The following FRMD4A variants were observed in gnomAD, a reference collection of about 807,000 sequenced individuals.
The protein encoded by FRMD4A is FERM domain-containing protein 4A.
A neutral mutation model predicts 129.1 loss-of-function variants in FRMD4A; 29 were observed. The observed-to-expected ratio is 0.22, with a 90% CI of 0.17 to 0.31. FRMD4A has a LOEUF of 0.31. Ranked by LOEUF, FRMD4A falls within the 10% of genes least tolerant of loss-of-function variation. The probability of loss-of-function intolerance (pLI) is 1.00; values close to 1 mark genes in which losing one functional copy is unlikely to be tolerated. For synonymous variants in FRMD4A, 634 were observed against 571.6 expected (o/e 1.11, Z -1.56); for missense variants, 1,272 against 1,375.8 (o/e 0.92, Z 1.19).
intron 2 of FRMD4A, among the ~76,000 whole-genome samples, chr10:13,880,236 A>G (rs565257244): frequency 6.6e-6 from 1 of 152,220 alleles, no homozygotes; most frequent in East Asian, 1.9e-4. Flanking sequence ...CCCAGATCAC[A>G]GCTTCCCCTC....
chr10:13,767,390 C>A (rs1309914915), intron 6 of FRMD4A, among the ~76,000 whole-genome samples: 1 of 152,146 alleles, frequency 6.6e-6, no homozygotes, highest in Admixed American at 6.5e-5. Flanking sequence ...AGGTGTGCGT[C>A]ACCATGCCTG....
Position 14,256,246 on chromosome 10 carries a change from AGAT to A in FRMD4A, c.45+73809_45+73811del, listed in dbSNP as rs1371897517. Among the ~76,000 whole-genome samples the A allele has an allele frequency of 3.3e-5, 5 of 152,192 alleles. No individual in the cohort carries two copies. In the South Asian group the frequency reaches 1.0e-3, roughly 32 times the overall value. ...AAGAAGAAATATGTAATAGAAACCC[AGAT>A]GATGAAAACTATAAAGCTTTAATGA... On this transcript the variant is annotated intron_variant, in intron 2 of 24. Transcript: ENST00000357447.
At chr10:14,081,482 A>T (rs1238754924) in intron 2 of FRMD4A, among the ~76,000 whole-genome samples, 1 of 152,184 alleles carries the variant, frequency 6.6e-6, no homozygotes, top group Non-Finnish European at 1.5e-5. Flanking sequence ...AGTGGGAACC[A>T]TGTCTGCCCC....
intron 2 of FRMD4A, among the ~76,000 whole-genome samples, chr10:13,993,502 A>G (rs11258785): frequency 0.29 from 43,526 of 152,160 alleles, 7,400 homozygotes; most frequent in East Asian, 0.73. Flanking sequence ...AGGACCACAC[A>G]CTGCTGGTCT....
intron 5 of FRMD4A, among the ~76,000 whole-genome samples, chr10:13,790,795 G>A (rs1385589086): frequency 6.6e-6 from 1 of 152,146 alleles, no homozygotes; most frequent in African/African-American, 2.4e-5. Flanking sequence ...ATCTCTCGGC[G>A]GTTGCTGTGA....
At chr10:13,838,109 G>A (rs2093904405) in intron 3 of FRMD4A, among the ~76,000 whole-genome samples, 1 of 152,168 alleles carries the variant, frequency 6.6e-6, no homozygotes, top group Non-Finnish European at 1.5e-5. Flanking sequence ...GTTATTTAGA[G>A]GTAGGATCTT....
At chr10:14,008,059 C>T (rs1286266240) in intron 2 of FRMD4A, 2 of 1,302,976 alleles carry the variant, frequency 1.5e-6, no homozygotes. Flanking sequence ...ACGTAGCTTA[C>T]CCTTTCAACG....
rs1040296091 is a variant in FRMD4A, at chr10:13,821,771, T to C, written c.112-10863A>G. ...GGTGGGCATGGGTCACCCAGGATTA[T>C]AGGAAGAGCCAGAGAGACCATCTGC... On this transcript the variant is annotated intron_variant, in intron 3 of 24. Transcript: ENST00000357447. The surrounding 1 kb of genome is among the most constrained non-coding windows in gnomAD (Gnocchi z 4.3). Among the ~76,000 whole-genome samples the C allele has an allele frequency of 6.6e-6, 1 of 152,014 alleles. No individual in the cohort carries two copies. The highest frequency in any genetic ancestry group is 1.5e-5 in the Non-Finnish European group (1 of 67,994).
intron 2 of FRMD4A, among the ~76,000 whole-genome samples, chr10:14,190,353 C>T (rs11595969): frequency 0.029 from 4,457 of 152,194 alleles, 89 homozygotes; most frequent in Non-Finnish European, 0.045. Flanking sequence ...ACTATGACAC[C>T]GGGTTTTCTG....
At chr10:13,992,145 G>A (rs1410437618) in intron 2 of FRMD4A, among the ~76,000 whole-genome samples, 1 of 152,194 alleles carries the variant, frequency 6.6e-6, no homozygotes, top group African/African-American at 2.4e-5. Context: ...TTCTTCTGCT[G>A]GCTTTCTCAG....
At chr10:14,061,616 C>T (rs1218041427) in intron 2 of FRMD4A, among the ~76,000 whole-genome samples, 1 of 152,134 alleles carries the variant, frequency 6.6e-6, no homozygotes, top group Non-Finnish European at 1.5e-5. Context: ...TCTAATAGAT[C>T]ACTGATTTCT....
chr10:13,848,917 T>G (rs531176242), intron 3 of FRMD4A, among the ~76,000 whole-genome samples: 1 of 152,204 alleles, frequency 6.6e-6, no homozygotes, highest in Non-Finnish European at 1.5e-5. Flanking sequence ...CAATGCGTTT[T>G]TTATTACAAA....
intron 2 of FRMD4A, among the ~76,000 whole-genome samples, chr10:14,209,476 T>C (rs1842876334): frequency 6.6e-6 from 1 of 152,232 alleles, no homozygotes; most frequent in South Asian, 2.1e-4. Flanking sequence ...GTGGGCATGG[T>C]GGCTCACGCC....
At chr10:14,279,975 G>A (rs928697148) in intron 2 of FRMD4A, among the ~76,000 whole-genome samples, 5 of 152,202 alleles carry the variant, frequency 3.3e-5, no homozygotes, top group African/African-American at 9.7e-5. Context: ...CAGTTAGAAT[G>A]AGCAGACTCA....
intron 2 of FRMD4A, among the ~76,000 whole-genome samples, chr10:14,184,246 C>A (rs1364814229): frequency 3.4e-5 from 5 of 147,578 alleles, no homozygotes; most frequent in African/African-American, 1.2e-4. Flanking sequence ...ATTCTCCTGC[C>A]TCAGCCTCCA....
intron 2 of FRMD4A, among the ~76,000 whole-genome samples, chr10:14,231,591 C>G (rs541655285): frequency 6.6e-6 from 1 of 152,296 alleles, no homozygotes; most frequent in South Asian, 2.1e-4. Flanking sequence ...TTTGATCCGC[C>G]CATCTTGGCC....
chr10:14,136,737 T>C (rs930158054), intron 2 of FRMD4A, among the ~76,000 whole-genome samples: 2 of 152,004 alleles, frequency 1.3e-5, no homozygotes, highest in East Asian at 1.9e-4. Flanking sequence ...GTACATCTTA[T>C]ACATATTGAT....
chr10:13,876,553 C>G (rs183353566), intron 2 of FRMD4A, among the ~76,000 whole-genome samples: 156 of 152,296 alleles, frequency 1.0e-3, no homozygotes, highest in African/African-American at 3.6e-3. Context: ...CTTAATAACA[C>G]TTTCTGGTAA....
At chr10:14,128,046 C>CTCTTTCTTTCTTTCTTTCTTTCTT (rs534411383) in intron 2 of FRMD4A, among the ~76,000 whole-genome samples, 2 of 77,970 alleles carry the variant, frequency 2.6e-5, no homozygotes, top group African/African-American at 5.4e-5. Flanking sequence ...CTTTCTTTCC[C>CTCTTTCTTTCTTTCTTTCTTTCTT]TCTTTCTTTC....
Sources: allele counts gnomAD v4.1 joint callset (sites outside exome capture counted in the v4.1 genomes callset), GRCh38; gene constraint gnomAD v4.1.1; non-coding constraint Gnocchi (gnomAD v3.1); transcripts MANE v1.5; gene names NCBI Gene and HGNC (gene_info 2026-07-23, HGNC 2026-07-21).